Variants in KDM4B observed in about 807,000 individuals in gnomAD.
The protein encoded by KDM4B is lysine-specific demethylase 4B.
KDM4B carries 32 observed loss-of-function variants against 125.2 expected under a neutral mutation model. That is an observed-to-expected ratio of 0.26 (90% CI 0.19 to 0.34). The LOEUF (loss-of-function observed/expected upper bound fraction) is 0.34, where lower values mean the gene tolerates loss of function less well. Ranked by LOEUF, KDM4B falls within the 10% of genes least tolerant of loss-of-function variation. The probability of loss-of-function intolerance (pLI) is 1.00; values close to 1 mark genes in which losing one functional copy is unlikely to be tolerated. For missense variants in KDM4B, 1,190 were observed against 1,577.7 expected (o/e 0.75, Z 4.16); for synonymous variants, 721 against 677.9 (o/e 1.06, Z -0.99).
intron 14 of KDM4B, among the ~76,000 whole-genome samples, chr19:5,135,041 C>G (rs758046825): frequency 6.6e-6 from 1 of 152,210 alleles, no homozygotes; most frequent in African/African-American, 2.4e-5. Flanking sequence ...CATACCCCAG[C>G]GCCAGGGGCC....
intron 9 of KDM4B, among the ~76,000 whole-genome samples, chr19:5,097,959 G>T (rs1019738096): frequency 2.1e-4 from 32 of 152,218 alleles, no homozygotes; most frequent in African/African-American, 7.7e-4. Context: ...CATGGGGGGC[G>T]CAAATGTCAG....
chr19:5,060,834 G>A (rs1044905402), intron 6 of KDM4B, among the ~76,000 whole-genome samples: 10 of 152,226 alleles, frequency 6.6e-5, no homozygotes, highest in African/African-American at 2.4e-4. Flanking sequence ...CTTTCCTGGC[G>A]AGGCTGAGGG....
In KDM4B at chr19:5,111,503, G is replaced by T. The variant is rs777941058; in HGVS notation, c.1115+685G>T. The T allele has an allele frequency of 8.9e-5, 68 of 765,120 alleles. No individual in the cohort carries two copies. In the Middle Eastern group the frequency reaches 9.0e-4, roughly 10 times the overall value. The allele number at this position is 765,120 out of a possible 1,614,324, so 47.4% of individuals were successfully genotyped here. On this transcript the variant is annotated intron_variant, in intron 10 of 22. Transcript: ENST00000159111. Reference sequence around the variant, plus strand: ...AGAGGCCATGGGGACACGGAGGCAGGTCCCGGCCTAGGAGGAGATCCACTT... The same window carrying T: ...AGAGGCCATGGGGACACGGAGGCAGTTCCCGGCCTAGGAGGAGATCCACTT...
rs913596409 is a variant in KDM4B, at chr19:5,070,923, C to T, written c.627-87C>T. ...TTGCTTCTGCCCTGGGCACTGTCTG[C>T]GTCTCCCCAAGGCTGGTCCCACCAG... is the stretch of plus-strand genomic sequence containing the variant. On this transcript the variant is annotated intron_variant, in intron 6 of 22. Coordinates refer to ENST00000159111, the MANE Select transcript of KDM4B (RefSeq NM_015015.3). The T allele has an allele frequency of 2.0e-5, 28 of 1,387,946 alleles. No individual in the cohort carries two copies. In the African/African-American group the frequency reaches 2.1e-4, roughly 11 times the overall value. 86.0% of individuals were successfully genotyped at this position (1,387,946 alleles called of 1,614,324 possible). A position where few individuals can be genotyped will look rare whatever the true frequency, so the allele number is the denominator to read the frequency against.
chr19:4,986,369 G>A lies in KDM4B; in HGVS notation c.-109+17139G>A, dbSNP rs534502573. On this transcript the variant is annotated intron_variant, in intron 1 of 22. Transcript: ENST00000159111. ...CCTGTGGGGCGATGGCGGAGTAAACGGGTGATGGCCACTGAGCGCTGGCCG... is the reference window on the plus strand; with the variant it reads ...CCTGTGGGGCGATGGCGGAGTAAACAGGTGATGGCCACTGAGCGCTGGCCG... Among the ~76,000 whole-genome samples the A allele has an allele frequency of 2.4e-4, 37 of 152,340 alleles. 1 individual carries two copies. In the South Asian group the frequency reaches 5.2e-3, roughly 21 times the overall value.
At chr19:5,017,692 T>G (rs263048) in intron 2 of KDM4B, among the ~76,000 whole-genome samples, 5 of 152,062 alleles carry the variant, frequency 3.3e-5, no homozygotes, top group African/African-American at 1.2e-4. Context: ...TAACACAGCA[T>G]GAACCAAGTA....
intron 6 of KDM4B, among the ~76,000 whole-genome samples, chr19:5,058,595 CTCTGGACCCTGCAGGGGCTGCCTT>C (rs2037482863): frequency 6.6e-6 from 1 of 152,230 alleles, no homozygotes; most frequent in Non-Finnish European, 1.5e-5. Flanking sequence ...CCGGGGCTGG[CTCTGGACCCTGCAGGGGCTGCCTT>C]AGCCTCACGC....
At position 5,134,076 on chromosome 19, in the gene KDM4B, C is replaced by A. The variant is rs368369086; in HGVS notation, c.2085+15C>A. The A allele has an allele frequency of 6.3e-7, 1 of 1,575,030 alleles. No homozygotes were observed. Among genetic ancestry groups the A allele is most frequent in the African/African-American group, 1.3e-5 (1 of 74,218 alleles). ...CCTACTGCCAGGTGGGCAGGCGGGC[C>A]TCACGGGTCCCAGAGAACCCCAGGC... On this transcript the variant is annotated intron_variant, in intron 14 of 22. Transcript: ENST00000159111.
At chr19:5,016,812 C>T (rs1285476381) in intron 2 of KDM4B, among the ~76,000 whole-genome samples, 3 of 152,180 alleles carry the variant, frequency 2.0e-5, no homozygotes, top group African/African-American at 4.8e-5. Context: ...ATGGCCCAGC[C>T]GCCCCGGGTT....
chr19:5,048,547 C>T (rs1053178525), intron 6 of KDM4B, among the ~76,000 whole-genome samples: 19 of 140,900 alleles, frequency 1.3e-4, no homozygotes, highest in Admixed American at 6.9e-4. Context: ...GCCTGGAGGG[C>T]GTGGGAGCTC....
chr19:5,078,491 C>T lies in KDM4B; in HGVS notation c.780+1021C>T, dbSNP rs564935969. The T allele has an allele frequency of 7.9e-5, 12 of 152,226 alleles. No homozygotes were observed. Among genetic ancestry groups the T allele is most frequent in the Admixed American group, 3.3e-4 (5 of 15,282 alleles). 9.4% of individuals were successfully genotyped at this position (152,226 alleles called of 1,614,324 possible). A position where few individuals can be genotyped will look rare whatever the true frequency, so the allele number is the denominator to read the frequency against. ...TTCATCAGACAGCACAGATCTCGCT[C>T]GGAGAAGTGCGCATTTCCGGCCTTT... On this transcript the variant is annotated intron_variant, in intron 8 of 22. Transcript: ENST00000159111. The surrounding 1 kb of genome is among the most constrained non-coding windows in gnomAD (Gnocchi z 4.5).
intron 1 of KDM4B, among the ~76,000 whole-genome samples, chr19:4,995,881 G>A (rs1304158703): frequency 1.3e-5 from 2 of 152,152 alleles, no homozygotes; most frequent in Non-Finnish European, 2.9e-5. Flanking sequence ...TGGTCGCCGC[G>A]GTGTCACGCG....
rs745912196 is a variant in KDM4B, at chr19:5,041,170, C to T, written c.351C>T (p.Asp117=). 1.2e-6 allele frequency: 2 copies of T among 1,612,826 alleles called. No individual in the cohort carries two copies. Among genetic ancestry groups the T allele is most frequent in the Non-Finnish European group, 1.7e-6 (2 of 1,179,142 alleles). ...CCCCGCGGCACCAGGACTTTGATGACCTTGAACGCAAATACTGGAAGAACC... is the reference window on the plus strand; with the variant it reads ...CCCCGCGGCACCAGGACTTTGATGATCTTGAACGCAAATACTGGAAGAACC... ...YCTPRHQDFD[D]LERKYWKNLT... The change falls in exon 5 of 23, where the codon GAC becomes GAT. Residue 117 remains aspartate (D), a synonymous_variant. Coordinates refer to ENST00000159111, the MANE Select transcript of KDM4B (RefSeq NM_015015.3).
intron 1 of KDM4B, among the ~76,000 whole-genome samples, chr19:4,999,257 C>T (rs1460165372): frequency 6.6e-6 from 1 of 152,176 alleles, no homozygotes; most frequent in Non-Finnish European, 1.5e-5. Context: ...AATCCACTGC[C>T]ATCACGATTG....
chr19:5,130,932 C>G (rs1420097079), intron 11 of KDM4B, 144 bp from the exon 12 acceptor site: 2 of 625,626 alleles, frequency 3.2e-6, no homozygotes, highest in African/African-American at 3.7e-5. Context: ...AGCCTGTGTT[C>G]TCTGCCCACC....
At chr19:4,980,421 C>CTTTTTTTTTT (rs572345837) in intron 1 of KDM4B, among the ~76,000 whole-genome samples, 2 of 109,730 alleles carry the variant, frequency 1.8e-5, no homozygotes, top group Admixed American at 9.4e-5. Context: ...CCTTTTCTTT[C>CTTTTTTTTTT]TTTTTTTTTT....
chr19:5,077,029 C>A, intron 7 of KDM4B: 1 of 316,342 alleles, frequency 3.2e-6, no homozygotes. Flanking sequence ...CTGGTCCTTC[C>A]CCTGGTGAGG....
intron 22 of KDM4B, among the ~76,000 whole-genome samples, 165 bp from the exon 23 acceptor site, chr19:5,151,170 G>A (rs756813049): frequency 4.2e-4 from 64 of 152,328 alleles, no homozygotes; most frequent in Non-Finnish European, 3.5e-4. Flanking sequence ...CCCTCTGCTG[G>A]CAGGATCAGG....
At chr19:4,969,481 C>G (rs1358003134) in intron 1 of KDM4B, among the ~76,000 whole-genome samples, 3 of 148,684 alleles carry the variant, frequency 2.0e-5, no homozygotes, top group African/African-American at 7.3e-5. Flanking sequence ...GGGGCGCGCC[C>G]AGGGGCGGGA....
Sources: gnomAD v4.1 joint callset for allele counts (sites outside exome capture counted in the v4.1 genomes callset) on GRCh38, gnomAD v4.1.1 for gene constraint, Gnocchi (gnomAD v3.1) non-coding constraint, MANE v1.5 for transcripts, NCBI Gene and HGNC (gene_info 2026-07-23, HGNC 2026-07-21) for gene names.